The following CYP2C18 variants were observed in gnomAD, a reference collection of about 807,000 sequenced individuals.
CYP2C18 encodes the protein cytochrome P450 family 2 subfamily C member 18.
Under a neutral mutation model 41.3 loss-of-function variants are expected in CYP2C18, and 38 were observed. The ratio of observed to expected loss-of-function variants is 0.92; its 90% CI spans 0.71 to 1.21. The LOEUF is 1.21. CYP2C18 is among the 50% of genes most tolerant of loss of function. The probability of loss-of-function intolerance (pLI) is 0.00; values close to 1 mark genes in which losing one functional copy is unlikely to be tolerated. For synonymous variants in CYP2C18, 236 were observed against 210.0 expected (o/e 1.12, Z -1.07); for missense variants, 635 against 591.4 (o/e 1.07, Z -0.77).
intron 4 of CYP2C18, among the ~76,000 whole-genome samples, chr10:94,702,194 A>T (rs978916410): frequency 6.6e-6 from 1 of 152,044 alleles, no homozygotes; most frequent in African/African-American, 2.4e-5. Context: ...ACCTTGGTGC[A>T]TATGATGATT....
chr10:94,689,651 A>G (rs1846961204), intron 3 of CYP2C18, among the ~76,000 whole-genome samples: 1 of 152,190 alleles, frequency 6.6e-6, no homozygotes, highest in Non-Finnish European at 1.5e-5. Context: ...AATATTTGCC[A>G]TATATTGGAG....
At chr10:94,731,506 C>A (rs1847832410) in intron 7 of CYP2C18, among the ~76,000 whole-genome samples, 1 of 152,096 alleles carries the variant, frequency 6.6e-6, no homozygotes, top group South Asian at 2.1e-4. Flanking sequence ...GCCTGAATAG[C>A]CAAAACAAAC....
At chr10:94,710,466 G>A (rs991013743) in intron 5 of CYP2C18, among the ~76,000 whole-genome samples, 5 of 152,132 alleles carry the variant, frequency 3.3e-5, no homozygotes, top group Non-Finnish European at 7.4e-5. Flanking sequence ...GATCAATTTG[G>A]GAAGTAATGC....
rs139601593 is a variant in CYP2C18, at chr10:94,688,590, G to A, written c.481+316G>A. 2.4e-3 allele frequency among the ~76,000 whole-genome samples: 363 copies of A among 152,294 alleles called. 2 individuals are homozygous for A. Among genetic ancestry groups the A allele is most frequent in the Admixed American group, 5.8e-3 (89 of 15,290 alleles). Reference sequence around the variant, plus strand: ...AGCCAGATCTTTCATGATAGTGGTTGTCAGTCCTCATATGGAGGGTGGAGG... The same window carrying A: ...AGCCAGATCTTTCATGATAGTGGTTATCAGTCCTCATATGGAGGGTGGAGG... On this transcript the variant is annotated intron_variant, in intron 3 of 8. Transcript: ENST00000285979.
At chr10:94,689,599 A>T (rs1045400682) in intron 3 of CYP2C18, among the ~76,000 whole-genome samples, 1 of 152,172 alleles carries the variant, frequency 6.6e-6, no homozygotes, top group Non-Finnish European at 1.5e-5. Flanking sequence ...CTCCTCTTGG[A>T]TACCAAAATC....
chr10:94,713,584 T>C lies in CYP2C18; in HGVS notation c.819+6624T>C, dbSNP rs936482911. 9.1e-4 allele frequency among the ~76,000 whole-genome samples: 138 copies of C among 152,360 alleles called. 1 individual carries two copies. Among genetic ancestry groups the C allele is most frequent in the African/African-American group, 3.2e-3 (134 of 41,594 alleles). Reference sequence around the variant, plus strand: ...TTTTCTTAATCCAGTCTATCACTGATGGACATTTGGGTTGGTTCCAAGTCT... The same window carrying C: ...TTTTCTTAATCCAGTCTATCACTGACGGACATTTGGGTTGGTTCCAAGTCT... On this transcript the variant is annotated intron_variant, in intron 5 of 8. Coordinates refer to ENST00000285979, the MANE Select transcript of CYP2C18 (RefSeq NM_000772.3).
intron 5 of CYP2C18, among the ~76,000 whole-genome samples, chr10:94,718,424 G>C (rs1589803537): frequency 6.6e-6 from 1 of 152,080 alleles, no homozygotes; most frequent in Non-Finnish European, 1.5e-5. Flanking sequence ...TTCTTTGGAT[G>C]TCTTTCATTT....
intron 1 of CYP2C18, among the ~76,000 whole-genome samples, chr10:94,686,871 G>T (rs117924117): frequency 0.014 from 2,099 of 152,264 alleles, 32 homozygotes; most frequent in Middle Eastern, 0.095. Flanking sequence ...GAAGGAAAAT[G>T]GTAGTGGAAG....
intron 1 of CYP2C18, among the ~76,000 whole-genome samples, chr10:94,685,127 G>A (rs1846862036): frequency 6.6e-6 from 1 of 151,820 alleles, no homozygotes; most frequent in African/African-American, 2.4e-5. Flanking sequence ...TTGAGCTCCT[G>A]GGCTCAAGCC....
intron 7 of CYP2C18, among the ~76,000 whole-genome samples, chr10:94,724,925 T>C (rs188420062): frequency 1.3e-3 from 198 of 152,132 alleles, no homozygotes; most frequent in South Asian, 5.2e-3. Context: ...AATCTTTCAA[T>C]TCATGGATAT....
At chr10:94,713,807 A>T (rs1023748643) in intron 5 of CYP2C18, among the ~76,000 whole-genome samples, 4 of 152,192 alleles carry the variant, frequency 2.6e-5, no homozygotes, top group Non-Finnish European at 5.9e-5. Context: ...ACAGTGTGTA[A>T]AAGTGTTCCT....
chr10:94,696,411 C>T (rs1188376746), intron 4 of CYP2C18, among the ~76,000 whole-genome samples: 1 of 152,188 alleles, frequency 6.6e-6, no homozygotes, highest in Non-Finnish European at 1.5e-5. Context: ...AGACCTGCAG[C>T]TGAGGGTCTT....
intron 4 of CYP2C18, among the ~76,000 whole-genome samples, chr10:94,704,423 G>A (rs563229720): frequency 9.7e-4 from 147 of 150,950 alleles, no homozygotes; most frequent in Non-Finnish European, 1.7e-3. Flanking sequence ...TTTCTTTAGC[G>A]TATGTTCAGC....
chr10:94,694,827 G>C (rs1323048610), intron 3 of CYP2C18, 90 bp from the exon 4 acceptor site: 15 of 1,413,312 alleles, frequency 1.1e-5, no homozygotes, highest in East Asian at 2.5e-5. Flanking sequence ...TATTGGTTTA[G>C]AGTTTCTAAA....
chr10:94,696,294 A>G (rs1847115744), intron 4 of CYP2C18, among the ~76,000 whole-genome samples: 1 of 152,188 alleles, frequency 6.6e-6, no homozygotes, highest in Admixed American at 6.5e-5. Context: ...TTCCAGAGGA[A>G]CGATCAGGTA....
At chr10:94,714,755 A>G (rs568152096) in intron 5 of CYP2C18, among the ~76,000 whole-genome samples, 70 of 152,328 alleles carry the variant, frequency 4.6e-4, no homozygotes, top group African/African-American at 1.3e-3. Flanking sequence ...TTGAATCTAT[A>G]AATTACCTTG....
At chr10:94,706,249 G>T (rs1236069538) in intron 4 of CYP2C18, among the ~76,000 whole-genome samples, 6 of 152,072 alleles carry the variant, frequency 3.9e-5, no homozygotes, top group Admixed American at 3.3e-4. Context: ...AACTACTCAC[G>T]GAAGTATCTT....
intron 7 of CYP2C18, among the ~76,000 whole-genome samples, chr10:94,729,379 A>G (rs962683009): frequency 5.9e-5 from 9 of 152,208 alleles, no homozygotes; most frequent in African/African-American, 2.2e-4. Context: ...ACAAGAGTCA[A>G]AAATCTTCTC....
intron 4 of CYP2C18, among the ~76,000 whole-genome samples, chr10:94,702,323 C>A (rs541375587): frequency 7.2e-5 from 11 of 152,052 alleles, no homozygotes; most frequent in African/African-American, 2.4e-4. Flanking sequence ...TATCCTGAAG[C>A]GTGTTTTCCA....
Sources: allele counts gnomAD v4.1 joint callset (sites outside exome capture counted in the v4.1 genomes callset), GRCh38; gene constraint gnomAD v4.1.1; transcripts MANE v1.5; gene names NCBI Gene and HGNC (gene_info 2026-07-23, HGNC 2026-07-21).